RAB38: variants seen among roughly 807,000 people sequenced by gnomAD.
RAB38 encodes the protein RAB38, member RAS oncogene family.
A neutral mutation model predicts 18.4 loss-of-function variants in RAB38; 15 were observed. The observed-to-expected ratio is 0.82, with a 90% CI of 0.55 to 1.26. RAB38 has a LOEUF of 1.26. Among genes scored for constraint, RAB38 ranks in the 50% most tolerant of loss-of-function variants. RAB38 has a pLI of 0.00. For missense variants in RAB38, 294 were observed against 267.4 expected (o/e 1.10, Z -0.69); for synonymous variants, 101 against 104.4 (o/e 0.97, Z 0.20).
chr11:88,070,220 G>T, the RAB38 span, among the ~76,000 whole-genome samples: 1 of 152,098 alleles, frequency 6.6e-6, no homozygotes, highest in Non-Finnish European at 1.5e-5. Context: ...TAGGAGGAAT[G>T]AACAACTCTG....
chr11:87,974,288 A>G, the RAB38 span, among the ~76,000 whole-genome samples: 1 of 151,902 alleles, frequency 6.6e-6, no homozygotes, highest in Non-Finnish European at 1.5e-5. Context: ...AGAAGCTATA[A>G]TAACAAAAGA....
chr11:88,143,818 G>A (rs993142203), intron 2 of RAB38, among the ~76,000 whole-genome samples: 3 of 152,236 alleles, frequency 2.0e-5, no homozygotes, highest in South Asian at 2.1e-4. Context: ...GCCTCTGATC[G>A]TTCATTTCTA....
chr11:88,035,444 A>G, the RAB38 span, among the ~76,000 whole-genome samples: 1 of 152,194 alleles, frequency 6.6e-6, no homozygotes, highest in African/African-American at 2.4e-5. Flanking sequence ...ATAGATGTAT[A>G]CATAAAGGGG....
downstream of RAB38, among the ~76,000 whole-genome samples, chr11:88,109,238 T>C (rs1178030858): frequency 6.6e-6 from 1 of 152,162 alleles, no homozygotes; most frequent in Non-Finnish European, 1.5e-5. Flanking sequence ...AACCTGGCTC[T>C]TTGACAAATC....
the RAB38 span, among the ~76,000 whole-genome samples, chr11:87,872,811 A>G: frequency 6.6e-6 from 1 of 151,606 alleles, no homozygotes; most frequent in South Asian, 2.1e-4. Context: ...ATGCTAGATA[A>G]TATTCTGTTG....
At chr11:88,052,438 T>C in the RAB38 span, among the ~76,000 whole-genome samples, 1 of 152,302 alleles carries the variant, frequency 6.6e-6, no homozygotes, top group East Asian at 1.9e-4. Context: ...CTATGAAATT[T>C]AATGTATGCA....
At chr11:88,099,023 A>C in the RAB38 span, among the ~76,000 whole-genome samples, 2 of 151,990 alleles carry the variant, frequency 1.3e-5, no homozygotes, top group Non-Finnish European at 2.9e-5. Context: ...GTATATTTTT[A>C]ACTGGACATA....
chr11:88,143,752 C>A (rs1942946811), intron 2 of RAB38, among the ~76,000 whole-genome samples: 1 of 152,158 alleles, frequency 6.6e-6, no homozygotes, highest in Admixed American at 6.5e-5. Flanking sequence ...ATGAACCATG[C>A]AGAATAGAAT....
At chr11:87,829,854 T>C in the RAB38 span, among the ~76,000 whole-genome samples, 1 of 152,178 alleles carries the variant, frequency 6.6e-6, no homozygotes, top group Non-Finnish European at 1.5e-5. Flanking sequence ...ACTTTACTAA[T>C]AGCACATATT....
At chr11:87,935,303 C>T in the RAB38 span, among the ~76,000 whole-genome samples, 2 of 152,002 alleles carry the variant, frequency 1.3e-5, no homozygotes, top group African/African-American at 4.8e-5. Context: ...ACATCTTCCC[C>T]CTTTTCTTCA....
chr11:87,936,186 T>C, the RAB38 span, among the ~76,000 whole-genome samples: 1 of 152,072 alleles, frequency 6.6e-6, no homozygotes, highest in Non-Finnish European at 1.5e-5. Flanking sequence ...TGGATCGTGC[T>C]TTTGGTGTCA....
chr11:88,048,135 C>T, the RAB38 span, among the ~76,000 whole-genome samples: 2 of 152,070 alleles, frequency 1.3e-5, no homozygotes, highest in African/African-American at 4.8e-5. Context: ...TGGGATTTGC[C>T]CCCACCCAGG....
At chr11:88,166,206 A>T (rs554495735) in intron 1 of RAB38, 1 of 152,178 alleles carries the variant, frequency 6.6e-6, no homozygotes, top group South Asian at 2.1e-4. Context: ...TCATGGAGGG[A>T]GGGAGAAAAT....
At chr11:88,084,753 GTT>G in the RAB38 span, among the ~76,000 whole-genome samples, 1 of 151,522 alleles carries the variant, frequency 6.6e-6, no homozygotes, top group Non-Finnish European at 1.5e-5. Flanking sequence ...GTTATTTTGG[GTT>G]TGTCTTTCCA....
the RAB38 span, among the ~76,000 whole-genome samples, chr11:88,043,495 A>G: frequency 1.3e-5 from 2 of 152,008 alleles, no homozygotes; most frequent in Admixed American, 6.6e-5. Flanking sequence ...AAGAATGACA[A>G]AAGAAGTGAA....
At chr11:87,951,392 C>A in the RAB38 span, among the ~76,000 whole-genome samples, 1 of 152,184 alleles carries the variant, frequency 6.6e-6, no homozygotes, top group Non-Finnish European at 1.5e-5. Context: ...CTTGTCTCAA[C>A]TCGTCAAAGT....
At chr11:88,066,499 T>C in the RAB38 span, among the ~76,000 whole-genome samples, 1 of 152,236 alleles carries the variant, frequency 6.6e-6, no homozygotes, top group African/African-American at 2.4e-5. Flanking sequence ...TATGCTGCTC[T>C]GCCTCAATCT....
At chr11:87,834,060 C>G in the RAB38 span, among the ~76,000 whole-genome samples, 17 of 152,166 alleles carry the variant, frequency 1.1e-4, no homozygotes, top group Non-Finnish European at 2.2e-4. Flanking sequence ...CAGAGAGATT[C>G]AAGGCTTGAG....
At chr11:87,844,169 T>C in the RAB38 span, among the ~76,000 whole-genome samples, 1 of 152,216 alleles carries the variant, frequency 6.6e-6, no homozygotes, top group African/African-American at 2.4e-5. Flanking sequence ...CCATGGGTTA[T>C]TGTATTGGAT....
Sources: gnomAD v4.1 joint callset for allele counts (sites outside exome capture counted in the v4.1 genomes callset) on GRCh38, gnomAD v4.1.1 for gene constraint, MANE v1.5 for transcripts, NCBI Gene and HGNC (gene_info 2026-07-23, HGNC 2026-07-21) for gene names.